The following NTM variants were observed in gnomAD, a reference collection of about 807,000 sequenced individuals.
NTM encodes neurotrimin, also known as IgLON family member 2.
NTM carries 13 observed loss-of-function variants against 42.1 expected under a neutral mutation model. The observed-to-expected ratio is 0.31, with a 90% confidence interval of 0.20 to 0.49. The LOEUF is 0.49. Among genes scored for constraint, NTM ranks in the 20% least tolerant of loss-of-function variants. The pLI is 0.99. For missense variants in NTM, 373 were observed against 452.8 expected, an observed-to-expected ratio of 0.82 and a Z score of 1.60; for synonymous variants, 187 against 179.2, an observed-to-expected ratio of 1.04 and a Z score of -0.35.
chr11:131,994,836 A>T (rs2067695435), intron 2 of NTM, among the ~76,000 whole-genome samples: 1 of 151,988 alleles, frequency 6.6e-6, no homozygotes, highest in Non-Finnish European at 1.5e-5. Flanking sequence ...CCCAAACTGG[A>T]CTCTGTATCC....
At chr11:131,789,622 G>GA (rs1290367963) in intron 1 of NTM, among the ~76,000 whole-genome samples, 2 of 85,612 alleles carry the variant, frequency 2.3e-5, no homozygotes, top group African/African-American at 5.3e-5. Context: ...AGAAGAAGAA[G>GA]AAGAAGAAGA....
intron 4 of NTM, among the ~76,000 whole-genome samples, chr11:132,257,769 G>A (rs879605251): frequency 2.0e-5 from 3 of 152,154 alleles, no homozygotes; most frequent in Non-Finnish European, 4.4e-5. Flanking sequence ...GTGTGGCAGG[G>A]CCAGGATTCA....
chr11:131,582,266 A>C (rs559297709), intron 1 of NTM: 167 of 152,328 alleles, frequency 1.1e-3, no homozygotes, highest in African/African-American at 3.8e-3. Flanking sequence ...AAGGGAAAAT[A>C]TGGACTCGAA....
Position 131,604,298 on chromosome 11 carries a change from G to T in NTM, c.82+233410G>T, listed in dbSNP as rs878883452. On this transcript the variant is annotated intron_variant, in intron 1 of 8. Coordinates refer to ENST00000683400, the MANE Select transcript of NTM (RefSeq NM_001352005.2). Reference sequence around the variant, plus strand: ...GAGTAATGATGCATATTTTCGTGTGGTTATTGGCCATTTGTATGTATTTGT... The same window carrying T: ...GAGTAATGATGCATATTTTCGTGTGTTTATTGGCCATTTGTATGTATTTGT... 2.6e-5 allele frequency among the ~76,000 whole-genome samples: 4 copies of T among 152,090 alleles called. 1 individual carries two copies. Among genetic ancestry groups the T allele is most frequent in the Admixed American group, 2.6e-4 (4 of 15,268 alleles).
intron 2 of NTM, among the ~76,000 whole-genome samples, chr11:132,026,339 A>G (rs768689470): frequency 3.9e-5 from 6 of 152,158 alleles, no homozygotes; most frequent in Non-Finnish European, 8.8e-5. Flanking sequence ...TCCACCTTTC[A>G]GAAAAGTATC....
chr11:132,256,565 T>G (rs2092484810), intron 4 of NTM, among the ~76,000 whole-genome samples: 1 of 152,162 alleles, frequency 6.6e-6, no homozygotes, highest in Non-Finnish European at 1.5e-5. Context: ...CTCCAGGTCC[T>G]TTTTCCACCA....
chr11:131,410,624 C>T (rs750273767), intron 1 of NTM, among the ~76,000 whole-genome samples: 2 of 148,670 alleles, frequency 1.3e-5, no homozygotes, highest in African/African-American at 2.5e-5. Context: ...TGATTTCTTG[C>T]GTCAATCTTT....
intron 1 of NTM, among the ~76,000 whole-genome samples, chr11:131,857,317 G>A (rs1475860957): frequency 4.6e-5 from 7 of 152,008 alleles, no homozygotes; most frequent in Non-Finnish European, 8.8e-5. Context: ...TCCCTTCCCC[G>A]AATATGCCTT....
intron 1 of NTM, among the ~76,000 whole-genome samples, chr11:131,452,784 G>A (rs1410696617): frequency 2.0e-5 from 3 of 152,194 alleles, no homozygotes; most frequent in Non-Finnish European, 4.4e-5. Flanking sequence ...ACAATACTTA[G>A]AATCAGGCCA....
At chr11:131,788,150 T>G (rs1048984300) in intron 1 of NTM, among the ~76,000 whole-genome samples, 2 of 152,222 alleles carry the variant, frequency 1.3e-5, no homozygotes, top group African/African-American at 2.4e-5. Context: ...ATATCCATGT[T>G]AAGTCCGTCA....
intron 2 of NTM, among the ~76,000 whole-genome samples, chr11:132,064,272 A>G (rs898024333): frequency 6.6e-6 from 1 of 152,226 alleles, no homozygotes; most frequent in Non-Finnish European, 1.5e-5. Flanking sequence ...TCAGAAGCCC[A>G]TATATAGACT....
chr11:131,966,242 A>G (rs534177698), intron 2 of NTM, among the ~76,000 whole-genome samples: 53 of 152,320 alleles, frequency 3.5e-4, no homozygotes, highest in Middle Eastern at 3.4e-3. Flanking sequence ...ATATTTACCG[A>G]GGCAGAATAA....
intron 1 of NTM, among the ~76,000 whole-genome samples, chr11:131,802,807 G>C (rs1001738346): frequency 7.9e-5 from 12 of 152,330 alleles, no homozygotes; most frequent in Admixed American, 1.3e-4. Context: ...AAAACTCAGT[G>C]TTATTTTCCC....
chr11:131,794,415 T>G (rs2091313688), intron 1 of NTM: 1 of 895,710 alleles, frequency 1.1e-6, no homozygotes, highest in African/African-American at 1.8e-5. Flanking sequence ...ATCTACATGC[T>G]CCGTAGTTTC....
At chr11:132,246,905 C>G (rs149418476) in intron 4 of NTM, among the ~76,000 whole-genome samples, 231 of 152,346 alleles carry the variant, frequency 1.5e-3, no homozygotes, top group African/African-American at 5.4e-3. Context: ...CAGGCTCATT[C>G]CCTGCCCTTG....
At chr11:131,794,771 A>G (rs1297658352) in intron 1 of NTM, 6 of 985,300 alleles carry the variant, frequency 6.1e-6, no homozygotes, top group Admixed American at 6.1e-5. Context: ...TCCACACACC[A>G]TGTGAAAAGC....
intron 1 of NTM, among the ~76,000 whole-genome samples, chr11:131,483,967 TG>T (rs1240103759): frequency 1.3e-5 from 2 of 151,488 alleles, no homozygotes; most frequent in Non-Finnish European, 2.9e-5. Flanking sequence ...ATCATTTTTT[TG>T]TGTGTGAACA....
chr11:131,778,745 T>C (rs942739650), intron 1 of NTM, among the ~76,000 whole-genome samples: 1 of 152,206 alleles, frequency 6.6e-6, no homozygotes, highest in Non-Finnish European at 1.5e-5. Flanking sequence ...TTCTGATGAC[T>C]AGCTCAATTT....
At chr11:132,310,678 A>G (rs2095253565) in intron 6 of NTM, among the ~76,000 whole-genome samples, 1 of 152,156 alleles carries the variant, frequency 6.6e-6, no homozygotes, top group South Asian at 2.1e-4. Flanking sequence ...TGTTCCAGAC[A>G]CTATCAGTAG....
Sources: allele counts gnomAD v4.1 joint callset (sites outside exome capture counted in the v4.1 genomes callset), GRCh38; gene constraint gnomAD v4.1.1; transcripts MANE v1.5; gene names NCBI Gene and HGNC (gene_info 2026-07-23, HGNC 2026-07-21).